Variants in MRO observed in about 807,000 individuals in gnomAD.
MRO encodes maestro.
In MRO, 28 loss-of-function variants were observed where a neutral mutation model predicts 31.0. The ratio of observed to expected loss-of-function variants is 0.90; its 90% CI spans 0.67 to 1.24. The LOEUF (loss-of-function observed/expected upper bound fraction) is 1.24, where lower values mean the gene tolerates loss of function less well. Among genes scored for constraint, MRO ranks in the 50% most tolerant of loss-of-function variants. MRO has a pLI of 0.00. For missense variants in MRO, 332 were observed against 289.2 expected (o/e 1.15, Z -1.07); for synonymous variants, 108 against 108.4 (o/e 1.00, Z 0.02).
At chr18:50,812,297 G>A (rs1314125271) in intron 2 of MRO, among the ~76,000 whole-genome samples, 4 of 152,028 alleles carry the variant, frequency 2.6e-5, no homozygotes, top group African/African-American at 9.7e-5. Context: ...TGTGCTTGTT[G>A]GTGATTTCTA....
At position 50,809,054 on chromosome 18, in the gene MRO, C is replaced by A. The variant is rs1032893171; in HGVS notation, c.99+248G>T. Among the ~76,000 whole-genome samples, 4 of 146,750 alleles carry A rather than the reference C, an allele frequency of 2.7e-5. No individual in the cohort carries two copies. The East Asian group carries it at 8.6e-4, about 31-fold the overall frequency. ...TCGGGAGGCTGAGGCAGGAGAATGGCGTGAACCCGGGAAGTGGAGCTTGCA... is the reference window on the plus strand; with the variant it reads ...TCGGGAGGCTGAGGCAGGAGAATGGAGTGAACCCGGGAAGTGGAGCTTGCA... On this transcript the variant is annotated intron_variant, in intron 3 of 7. Transcript: ENST00000398439.
At chr18:50,813,648 G>A (rs1242175870) in intron 2 of MRO, among the ~76,000 whole-genome samples, 1 of 152,266 alleles carries the variant, frequency 6.6e-6, no homozygotes. Context: ...GTACAGTGTA[G>A]CTTCTCTCCA....
chr18:50,806,522 C>T (rs1056402028), intron 4 of MRO, among the ~76,000 whole-genome samples, 182 bp downstream of exon 4: 72 of 152,142 alleles, frequency 4.7e-4, no homozygotes, highest in African/African-American at 1.7e-3. Flanking sequence ...ACCTGGACTC[C>T]TGACCCGCGA....
Position 50,804,658 on chromosome 18 carries a change from T to G in MRO, c.429+496A>C, listed in dbSNP as rs369615730. ...CAAAAAAACCCTTGAGGGTTAGAGA[T>G]AAAATTCTATACATCTTTACATGTC... On this transcript the variant is annotated intron_variant, in intron 5 of 7. Coordinates refer to ENST00000398439, the MANE Select transcript of MRO (RefSeq NM_031939.6). 3.9e-5 allele frequency among the ~76,000 whole-genome samples: 6 copies of G among 152,106 alleles called. No homozygotes were observed. The East Asian group carries it at 9.7e-4, about 25-fold the overall frequency.
intron 5 of MRO, among the ~76,000 whole-genome samples, chr18:50,803,180 A>G (rs1157185914): frequency 2.0e-5 from 3 of 151,972 alleles, no homozygotes; most frequent in African/African-American, 7.3e-5. Flanking sequence ...ATGGCCGGGG[A>G]TTTCTGCTCA....
At position 50,819,603 on chromosome 18, in the gene MRO, C is replaced by T. The variant is rs1472338300; in HGVS notation, c.-27G>A. 1 of 1,551,642 alleles carries T rather than the reference C, an allele frequency of 6.4e-7. No individual in the cohort carries two copies. The highest frequency in any genetic ancestry group is 8.7e-7 in the Non-Finnish European group (1 of 1,146,974). On this transcript the variant is annotated 5_prime_UTR_variant, in exon 2 of 8. Coordinates refer to ENST00000398439, the MANE Select transcript of MRO (RefSeq NM_031939.6). The stretch of plus-strand genomic sequence containing the variant: ...TACCTGCGGCTCCTGCAGGCGGCTG[C>T]CACGTGATGAACCGGAGCCCGTTCC...
upstream of MRO, among the ~76,000 whole-genome samples, chr18:50,822,066 T>A (rs1248648650): frequency 1.3e-5 from 2 of 152,222 alleles, no homozygotes; most frequent in Admixed American, 6.5e-5. Flanking sequence ...TTGCAACATA[T>A]TTGCATATCT....
intron 2 of MRO, among the ~76,000 whole-genome samples, chr18:50,814,164 G>A (rs564334499): frequency 3.3e-5 from 5 of 151,920 alleles, no homozygotes; most frequent in Non-Finnish European, 5.9e-5. Context: ...ACTAAAAGAC[G>A]TAAAACTCCT....
At chr18:50,809,772 A>G (rs1914309378) in intron 2 of MRO, among the ~76,000 whole-genome samples, 1 of 152,234 alleles carries the variant, frequency 6.6e-6, no homozygotes. Flanking sequence ...AAGTTCTCTG[A>G]GAATGTAAAT....
At chr18:50,815,572 G>A in intron 2 of MRO, 1 of 292,546 alleles carries the variant, frequency 3.4e-6, no homozygotes, top group South Asian at 3.5e-5. Context: ...TTTTGGTGGT[G>A]GTAACTATGG....
intron 2 of MRO, among the ~76,000 whole-genome samples, chr18:50,811,675 A>G (rs1461696859): frequency 2.6e-5 from 4 of 151,862 alleles, no homozygotes; most frequent in African/African-American, 7.3e-5. Flanking sequence ...TCTGTGCACA[A>G]CTATTTGTAT....
chr18:50,813,933 C>T (rs1914673473), intron 2 of MRO, among the ~76,000 whole-genome samples: 1 of 152,024 alleles, frequency 6.6e-6, no homozygotes, highest in Non-Finnish European at 1.5e-5. Context: ...CTTCAAACAC[C>T]CACAACACAC....
intron 5 of MRO, 127 bp from the exon 6 acceptor site, chr18:50,801,631 G>T: frequency 1.1e-6 from 1 of 888,626 alleles, no homozygotes; most frequent in African/African-American, 1.7e-5. Flanking sequence ...CACAGCCATC[G>T]ATCTTGACTG....
chr18:50,816,155 C>T (rs1447391438), intron 2 of MRO: 1 of 152,718 alleles, frequency 6.5e-6, no homozygotes, highest in Non-Finnish European at 1.5e-5. Flanking sequence ...GCATTAGGAA[C>T]TAAAAATCTG....
In MRO at chr18:50,800,039, C is replaced by G; in HGVS notation, c.690G>C (p.Gln230His). The G allele has an allele frequency of 6.2e-7, 1 of 1,610,898 alleles. No homozygotes were observed. Among genetic ancestry groups the G allele is most frequent in the Non-Finnish European group, 8.5e-7 (1 of 1,177,358 alleles). Residue 230 changes from glutamine (Q) to histidine (H), a missense_variant, in exon 7 of 8, where the codon CAG (glutamine) becomes CAC (histidine). Coordinates refer to ENST00000398439, the MANE Select transcript of MRO (RefSeq NM_031939.6). ...EDQRNTKLYQQLSHYHPEILQ... is the reference protein window; with the variant it reads ...EDQRNTKLYQHLSHYHPEILQ... Reference sequence around the variant, plus strand: ...TCTCCTACCCTGGCTCACTCACCAGCTGCTGGTAGAGCTTAGTGTTCCTTT... The same window carrying G: ...TCTCCTACCCTGGCTCACTCACCAGGTGCTGGTAGAGCTTAGTGTTCCTTT...
intron 5 of MRO, among the ~76,000 whole-genome samples, chr18:50,803,379 C>A (rs1227427935): frequency 6.6e-6 from 1 of 151,962 alleles, no homozygotes; most frequent in African/African-American, 2.4e-5. Flanking sequence ...CAGTGGCATG[C>A]ACTTGTGGTC....
intron 2 of MRO, 60 bp from the exon 3 acceptor site, chr18:50,809,464 G>T: frequency 1.7e-6 from 2 of 1,175,846 alleles, no homozygotes; most frequent in Non-Finnish European, 2.5e-6. Flanking sequence ...AACAAACATT[G>T]TTGTACAATG....
chr18:50,802,710 GT>G (rs202173545), intron 5 of MRO, among the ~76,000 whole-genome samples: 4 of 150,736 alleles, frequency 2.7e-5, no homozygotes, highest in Non-Finnish European at 4.4e-5. Flanking sequence ...TAGGGTTTTT[GT>G]TTTTTTTTGT....
At chr18:50,808,600 G>A (rs1209506525) in intron 3 of MRO, among the ~76,000 whole-genome samples, 2 of 151,588 alleles carry the variant, frequency 1.3e-5, no homozygotes, top group East Asian at 4.0e-4. Context: ...GGGACTACAG[G>A]TGCATGCCAC....
Sources: allele counts gnomAD v4.1 joint callset (sites outside exome capture counted in the v4.1 genomes callset), GRCh38; gene constraint gnomAD v4.1.1; transcripts MANE v1.5; gene names NCBI Gene and HGNC (gene_info 2026-07-23, HGNC 2026-07-21).